The following SPOCK1 variants were observed in gnomAD, a reference collection of about 807,000 sequenced individuals.
The protein encoded by SPOCK1 is SPARC (osteonectin), cwcv and kazal like domains proteoglycan 1, also known as testican-1.
In SPOCK1, 23 loss-of-function variants were observed where a neutral mutation model predicts 55.3. The observed-to-expected ratio is 0.42, with a 90% CI of 0.30 to 0.59. The LOEUF is 0.59. Ranked by LOEUF, SPOCK1 falls within the 20% of genes least tolerant of loss-of-function variation. The pLI, the probability that SPOCK1 is intolerant of heterozygous loss-of-function variation, is 0.22. For missense variants in SPOCK1, 499 were observed against 552.5 expected, an observed-to-expected ratio of 0.90 and a Z score of 0.97; for synonymous variants, 226 against 221.0, an observed-to-expected ratio of 1.02 and a Z score of -0.20.
intron 3 of SPOCK1, among the ~76,000 whole-genome samples, chr5:137,171,348 G>A (rs578011834): frequency 5.1e-4 from 78 of 152,254 alleles, no homozygotes; most frequent in Non-Finnish European, 7.4e-5. Flanking sequence ...ACCGAAAGGG[G>A]ATCTTGCTCA....
chr5:137,151,870 A>G (rs1368973361), intron 3 of SPOCK1, among the ~76,000 whole-genome samples: 2 of 152,200 alleles, frequency 1.3e-5, no homozygotes, highest in African/African-American at 4.8e-5. Flanking sequence ...AGCTGTTACT[A>G]CTTTCATCCC....
intron 2 of SPOCK1, among the ~76,000 whole-genome samples, chr5:137,391,490 G>T (rs1751721282): frequency 1.3e-5 from 2 of 152,052 alleles, no homozygotes. Flanking sequence ...TGAGGGCAAG[G>T]GAGATCAAGA....
At chr5:137,185,850 T>C (rs906564031) in intron 3 of SPOCK1, among the ~76,000 whole-genome samples, 14 of 151,996 alleles carry the variant, frequency 9.2e-5, no homozygotes, top group African/African-American at 2.7e-4. Context: ...CCTTTCAAAG[T>C]ACATCTTGGT....
chr5:136,995,691 C>T (rs1333471328), intron 6 of SPOCK1, among the ~76,000 whole-genome samples: 1 of 152,164 alleles, frequency 6.6e-6, no homozygotes, highest in Admixed American at 6.5e-5. Flanking sequence ...ATTAGTCAGT[C>T]GTGTTTAACT....
intron 3 of SPOCK1, among the ~76,000 whole-genome samples, chr5:137,231,788 C>A (rs1756070099): frequency 6.6e-6 from 1 of 152,210 alleles, no homozygotes; most frequent in Non-Finnish European, 1.5e-5. Flanking sequence ...ATGGTACTAG[C>A]ATTCCACAGT....
At chr5:137,482,487 T>C (rs1003960110) in intron 2 of SPOCK1, among the ~76,000 whole-genome samples, 2 of 152,134 alleles carry the variant, frequency 1.3e-5, no homozygotes, top group East Asian at 1.9e-4. Context: ...CAAATGTATA[T>C]TGACCATCTA....
intron 3 of SPOCK1, among the ~76,000 whole-genome samples, chr5:137,218,049 G>A (rs1319262460): frequency 2.0e-5 from 3 of 152,142 alleles, no homozygotes. Context: ...CTCCCCTAAG[G>A]CAGACATGGC....
At chr5:137,180,351 G>A (rs1428368542) in intron 3 of SPOCK1, among the ~76,000 whole-genome samples, 1 of 151,270 alleles carries the variant, frequency 6.6e-6, no homozygotes, top group African/African-American at 2.4e-5. Flanking sequence ...TAGATAAGGG[G>A]GTCATGACTG....
chr5:137,177,478 A>G (rs1202425898), intron 3 of SPOCK1, among the ~76,000 whole-genome samples: 1 of 152,074 alleles, frequency 6.6e-6, no homozygotes, highest in Admixed American at 6.6e-5. Context: ...GCAAGGGAAA[A>G]CCAGAGAGGA....
chr5:137,294,686 G>C (rs952871151), intron 2 of SPOCK1, among the ~76,000 whole-genome samples: 1 of 152,116 alleles, frequency 6.6e-6, no homozygotes, highest in Non-Finnish European at 1.5e-5. Context: ...AGATGTTCCA[G>C]GACCAGGATT....
chr5:137,246,354 T>A (rs991416005), intron 3 of SPOCK1, among the ~76,000 whole-genome samples: 3 of 152,230 alleles, frequency 2.0e-5, no homozygotes, highest in Non-Finnish European at 4.4e-5. Flanking sequence ...GTCTGCCATC[T>A]ATTACTATTG....
At chr5:137,390,441 A>G (rs1042706368) in intron 2 of SPOCK1, among the ~76,000 whole-genome samples, 1 of 152,196 alleles carries the variant, frequency 6.6e-6, no homozygotes, top group Non-Finnish European at 1.5e-5. Flanking sequence ...AAAGGAAATT[A>G]CCATTTTAAT....
chr5:137,384,882 G>C (rs1165022262), intron 2 of SPOCK1, among the ~76,000 whole-genome samples: 1 of 152,014 alleles, frequency 6.6e-6, no homozygotes, highest in African/African-American at 2.4e-5. Flanking sequence ...AATTACATCT[G>C]CGAAGACCCT....
intron 2 of SPOCK1, among the ~76,000 whole-genome samples, chr5:137,347,307 T>C (rs996110977): frequency 6.6e-6 from 1 of 152,194 alleles, no homozygotes; most frequent in African/African-American, 2.4e-5. Context: ...GCTCAAAGAT[T>C]GTAATTCCTC....
At chr5:137,356,826 TATATATATATATAGAGAGAGAGAGAG>T (rs1750820081) in intron 2 of SPOCK1, among the ~76,000 whole-genome samples, 1 of 19,338 alleles carries the variant, frequency 5.2e-5, no homozygotes, top group Non-Finnish European at 9.3e-5. Flanking sequence ...TATATATATA[TATATATATATATAGAGAGAGAGAGAG>T]AGAGAGAGAG....
intron 2 of SPOCK1, among the ~76,000 whole-genome samples, chr5:137,440,281 G>A (rs1441421578): frequency 5.6e-5 from 4 of 71,716 alleles, no homozygotes; most frequent in Non-Finnish European, 1.3e-4. Context: ...AGATAAACTT[G>A]AGAAAAGCTC....
At chr5:137,328,403 GA>G (rs1271284102) in intron 2 of SPOCK1, among the ~76,000 whole-genome samples, 1 of 152,174 alleles carries the variant, frequency 6.6e-6, no homozygotes, top group Non-Finnish European at 1.5e-5. Flanking sequence ...AAACCCAGAA[GA>G]GAAAATATGA....
intron 6 of SPOCK1, among the ~76,000 whole-genome samples, chr5:137,057,113 C>T (rs1196450799): frequency 6.6e-6 from 1 of 152,072 alleles, no homozygotes; most frequent in Non-Finnish European, 1.5e-5. Context: ...CTGCTTTAAG[C>T]TCATTCTAAG....
chr5:137,201,888 G>T (rs1047740813), intron 3 of SPOCK1, among the ~76,000 whole-genome samples: 1 of 152,084 alleles, frequency 6.6e-6, no homozygotes. Flanking sequence ...AATAAAATGA[G>T]AAAACAAAAC....
Sources: gnomAD v4.1 joint callset for allele counts (sites outside exome capture counted in the v4.1 genomes callset) on GRCh38, gnomAD v4.1.1 for gene constraint, MANE v1.5 for transcripts, NCBI Gene and HGNC (gene_info 2026-07-23, HGNC 2026-07-21) for gene names.